TUBGCP3: variants seen among roughly 807,000 people sequenced by gnomAD.
The protein encoded by TUBGCP3 is tubulin gamma complex component 3, also known as gamma-tubulin complex component 3.
TUBGCP3 carries 50 observed loss-of-function variants against 123.1 expected under a neutral mutation model. That is an observed-to-expected ratio of 0.41 (90% CI 0.32 to 0.51). The LOEUF is 0.51. TUBGCP3 is among the 20% of genes least tolerant of loss of function. The pLI is 0.36. For missense variants in TUBGCP3, 882 were observed against 1,127.0 expected (o/e 0.78, Z 3.11); for synonymous variants, 405 against 413.9 (o/e 0.98, Z 0.26).
chr13:112,568,649 T>C (rs1181575779), intron 2 of TUBGCP3, among the ~76,000 whole-genome samples: 2 of 152,210 alleles, frequency 1.3e-5, no homozygotes, highest in Non-Finnish European at 1.5e-5. Flanking sequence ...AGCAGGGAAA[T>C]GCACTGACCT....
chr13:112,492,943 CGGGGCCTGGTGTGCCT>C (rs1880214914), intron 20 of TUBGCP3, among the ~76,000 whole-genome samples: 1 of 145,378 alleles, frequency 6.9e-6, no homozygotes, highest in African/African-American at 2.6e-5. Context: ...GCTATGGGAA[CGGGGCCTGGTGTGCCT>C]GAGACACTCT....
At chr13:112,503,416 C>T (rs1881067504) in intron 19 of TUBGCP3, among the ~76,000 whole-genome samples, 1 of 152,174 alleles carries the variant, frequency 6.6e-6, no homozygotes, top group African/African-American at 2.4e-5. Flanking sequence ...GTTGCCCAGG[C>T]TGCAGTGCAG....
In TUBGCP3 at chr13:112,508,174, C is replaced by T. The variant is rs1363276783; in HGVS notation, c.2087-3460G>A. ...TCATGGCTTTGGCTCTGCCTGTATC[C>T]CTCGTGCCCCCTAGTCACTCCAAGC... On this transcript the variant is annotated intron_variant, in intron 17 of 21. Transcript: ENST00000261965. This position sits in a 1 kb window ranked among gnomAD's most constrained non-coding sequence, Gnocchi z 4.2. 2.0e-5 allele frequency among the ~76,000 whole-genome samples: 3 copies of T among 152,142 alleles called. No individual in the cohort carries two copies. The highest frequency in any genetic ancestry group is 4.4e-5 in the Non-Finnish European group (3 of 68,026).
At chr13:112,578,110 G>A (rs1228788557) in intron 1 of TUBGCP3, among the ~76,000 whole-genome samples, 5 of 152,070 alleles carry the variant, frequency 3.3e-5, no homozygotes, top group Non-Finnish European at 5.9e-5. Context: ...TGTGCTAAAG[G>A]GCGGAAGGCT....
chr13:112,573,641 A>T (rs1881587969), intron 1 of TUBGCP3, among the ~76,000 whole-genome samples: 1 of 152,188 alleles, frequency 6.6e-6, no homozygotes, highest in African/African-American at 2.4e-5. Flanking sequence ...GCAGCAAAAG[A>T]ACGTCAAGGG....
chr13:112,578,314 C>T (rs1881997993), intron 1 of TUBGCP3, among the ~76,000 whole-genome samples: 1 of 151,672 alleles, frequency 6.6e-6, no homozygotes, highest in Admixed American at 6.6e-5. Flanking sequence ...AATCCCAGCA[C>T]TTTGGGAGGC....
intron 1 of TUBGCP3, among the ~76,000 whole-genome samples, chr13:112,583,706 T>C (rs1312486456): frequency 2.6e-5 from 4 of 152,246 alleles, no homozygotes; most frequent in Non-Finnish European, 4.4e-5. Flanking sequence ...AAAGTTGAAC[T>C]GTTTGGGGAG....
rs1019182006 is a variant in TUBGCP3 at position 112,511,502 on chromosome 13, G to A, written c.2086+4938C>T. 6.6e-6 allele frequency among the ~76,000 whole-genome samples: 1 copy of A among 152,076 alleles called. No individual in the cohort carries two copies. Among genetic ancestry groups the A allele is most frequent in the Non-Finnish European group, 1.5e-5 (1 of 68,020 alleles). On this transcript the variant is annotated intron_variant, in intron 17 of 21. Coordinates refer to ENST00000261965, the MANE Select transcript of TUBGCP3 (RefSeq NM_006322.6). This position sits in a 1 kb window ranked among gnomAD's most constrained non-coding sequence, Gnocchi z 4.1. Reference sequence around the variant, plus strand: ...AACCGCAGCTGGGCCGGTACTAAAGGCTGTGCTGCCGGAGCACAGAGCCCA... The same window carrying A: ...AACCGCAGCTGGGCCGGTACTAAAGACTGTGCTGCCGGAGCACAGAGCCCA...
chr13:112,535,329 T>A (rs553483826), intron 11 of TUBGCP3, among the ~76,000 whole-genome samples: 1 of 152,338 alleles, frequency 6.6e-6, no homozygotes, highest in Admixed American at 6.5e-5. Context: ...TTGGGTCACA[T>A]GGTAAATCCA....
At chr13:112,534,045 A>G (rs935675429) in intron 11 of TUBGCP3, among the ~76,000 whole-genome samples, 27 of 152,076 alleles carry the variant, frequency 1.8e-4, no homozygotes, top group African/African-American at 6.5e-4. Flanking sequence ...GGAGATGAGT[A>G]TGCAGAGCTG....
At chr13:112,539,383 G>A (rs1878316694) in intron 11 of TUBGCP3, among the ~76,000 whole-genome samples, 1 of 152,172 alleles carries the variant, frequency 6.6e-6, no homozygotes, top group Non-Finnish European at 1.5e-5. Context: ...GAGTTACAAT[G>A]AGATAAACCG....
intron 1 of TUBGCP3, among the ~76,000 whole-genome samples, chr13:112,578,526 T>G (rs1882024208): frequency 8.9e-6 from 1 of 112,282 alleles, no homozygotes; most frequent in Admixed American, 1.4e-4. Flanking sequence ...GCCACTGCAG[T>G]CCAGCTTGGG....
Position 112,485,858 on chromosome 13 carries a change from C to T in TUBGCP3, c.*135G>A, listed in dbSNP as rs1471005772. The T allele has an allele frequency of 1.1e-5, 9 of 854,122 alleles. No individual in the cohort carries two copies. The highest frequency in any genetic ancestry group is 1.4e-5 in the Non-Finnish European group (8 of 557,780). 52.9% of individuals were successfully genotyped at this position (854,122 alleles called of 1,614,324 possible). ...ACGTGGCTTCTCCCACACGCCGCTC[C>T]GCTGAAACATGGCGCACTCGTGGGC... is the stretch of plus-strand genomic sequence containing the variant. On this transcript the variant is annotated 3_prime_UTR_variant, in exon 22 of 22. Transcript: ENST00000261965.
upstream of TUBGCP3, among the ~76,000 whole-genome samples, chr13:112,591,288 A>G (rs1882878092): frequency 6.6e-6 from 1 of 152,232 alleles, no homozygotes; most frequent in Non-Finnish European, 1.5e-5. Flanking sequence ...ATCTAAAACT[A>G]AAACTCTCCA....
At position 112,588,145 on chromosome 13, in the gene TUBGCP3, C is replaced by A. The variant is rs560771695; in HGVS notation, c.-165G>T. 1 of 508,882 alleles carries A rather than the reference C, an allele frequency of 2.0e-6. No individual in the cohort carries two copies. 31.5% of individuals were successfully genotyped at this position (508,882 alleles called of 1,614,324 possible). A position where few individuals can be genotyped will look rare whatever the true frequency, so the allele number is the denominator to read the frequency against. On this transcript the variant is annotated 5_prime_UTR_variant, in exon 1 of 22. Coordinates refer to ENST00000261965, the MANE Select transcript of TUBGCP3 (RefSeq NM_006322.6). ...AGGGCGCCATTTTAACGGAACCCGC[C>A]GAAAGCGCGGGCGCTTCCCACAATG...
upstream of TUBGCP3, among the ~76,000 whole-genome samples, chr13:112,591,001 C>A (rs1175871824): frequency 1.3e-5 from 2 of 152,180 alleles, no homozygotes; most frequent in Non-Finnish European, 2.9e-5. Context: ...ATTGCAGCAG[C>A]CTCATAAGGC....
intron 8 of TUBGCP3, among the ~76,000 whole-genome samples, chr13:112,552,860 CTCCCCACCAGCCACGCTCT>C (rs1227188699): frequency 4.7e-5 from 7 of 148,838 alleles, no homozygotes; most frequent in African/African-American, 1.5e-4. Flanking sequence ...AGCCACGCTC[CTCCCCACCAGCCACGCTCT>C]TCCCCATCAG....
chr13:112,542,320 T>C lies in TUBGCP3; in HGVS notation c.1335+3379A>G, dbSNP rs980575374. 2.0e-5 allele frequency among the ~76,000 whole-genome samples: 3 copies of C among 152,324 alleles called. No individual in the cohort carries two copies. The East Asian group carries it at 5.8e-4, about 29-fold the overall frequency. On this transcript the variant is annotated intron_variant, in intron 11 of 21. Transcript: ENST00000261965. The stretch of plus-strand genomic sequence containing the variant: ...TCTAAATAATCAATTGCACAGGTTT[T>C]TAAACAGCTATCAAAACTCACCTCA...
intron 1 of TUBGCP3, 45 bp from the exon 2 acceptor site, chr13:112,569,304 C>T (rs183695239): frequency 4.4e-6 from 7 of 1,590,086 alleles, no homozygotes; most frequent in African/African-American, 4.0e-5. Flanking sequence ...AACCAGGTTA[C>T]GTTCTGGTCA....
Sources: allele counts gnomAD v4.1 joint callset (sites outside exome capture counted in the v4.1 genomes callset), GRCh38; gene constraint gnomAD v4.1.1; non-coding constraint Gnocchi (gnomAD v3.1); transcripts MANE v1.5; gene names NCBI Gene and HGNC (gene_info 2026-07-23, HGNC 2026-07-21).